MID1: variants seen among roughly 807,000 people sequenced by gnomAD.
The protein encoded by MID1 is midline 1.
A neutral mutation model predicts 40.4 loss-of-function variants in MID1; 7 were observed. The ratio of observed to expected loss-of-function variants is 0.17; its 90% CI spans 0.10 to 0.33. The LOEUF (loss-of-function observed/expected upper bound fraction) is 0.33. Among genes scored for constraint, MID1 ranks in the 10% least tolerant of loss-of-function variants. MID1 has a pLI of 1.00. For synonymous variants in MID1, 229 were observed against 221.2 expected, an observed-to-expected ratio of 1.04 and a Z score of -0.31; for missense variants, 367 against 558.5, an observed-to-expected ratio of 0.66 and a Z score of 3.46.
At chrX:10,745,662 T>C (rs886529547) in intron 1 of MID1, among the ~76,000 whole-genome samples, 1 of 112,657 alleles carries the variant, frequency 8.9e-6, no homozygotes, top group African/African-American at 3.2e-5. Context: ...GAGCGTTATG[T>C]TTGTAGCAAC....
intron 1 of MID1, among the ~76,000 whole-genome samples, chrX:10,738,055 C>T (rs1280515961): frequency 9.0e-6 from 1 of 111,168 alleles, no homozygotes; most frequent in Non-Finnish European, 1.9e-5. Context: ...GTACCCCTGT[C>T]ATCAGTCCCG....
intron 1 of MID1, among the ~76,000 whole-genome samples, chrX:10,568,571 A>C (rs1265254403): frequency 1.8e-5 from 2 of 111,041 alleles, no homozygotes; most frequent in Admixed American, 9.5e-5. Context: ...CGGGCTTGTC[A>C]CTGTTGCCAG....
intron 1 of MID1, among the ~76,000 whole-genome samples, chrX:10,656,717 T>A (rs765964541): frequency 4.8e-4 from 53 of 110,658 alleles, no homozygotes; most frequent in African/African-American, 1.7e-3. Flanking sequence ...TAAGCTCTCA[T>A]ATTCAGATGA....
At chrX:10,491,123 A>G (rs139483906) in intron 4 of MID1, among the ~76,000 whole-genome samples, 7,079 of 111,600 alleles carry the variant, frequency 0.063, 451 homozygotes, top group African/African-American at 0.19. Context: ...AGAGGACCAG[A>G]TAGTCAATAT....
rs1281393445 is a variant in MID1, at chrX:10,566,497, T to TTCTCTCTCTCTC, written c.660+379_660+390dup. On this transcript the variant is annotated intron_variant, in intron 2 of 9. Transcript: ENST00000317552. ...GCCCAAAGCCAGATTTTATCTGTCATTCTCTCTCTCTCTCCCTCTCTCTCC... is the reference window on the plus strand; with the variant it reads ...GCCCAAAGCCAGATTTTATCTGTCATTCTCTCTCTCTCTCTCTCTCTCTCTCCCTCTCTCTCC... Among the ~76,000 whole-genome samples, 327 of 71,942 alleles carry TTCTCTCTCTCTC rather than the reference T, an allele frequency of 4.5e-3. 5 individuals carry two copies. Among genetic ancestry groups the TTCTCTCTCTCTC allele is most frequent in the South Asian group, 0.024 (36 of 1,482 alleles). The allele number at this position is 71,942 out of a possible 115,157, so 62.5% of individuals were successfully genotyped here.
At chrX:10,525,812 G>T (rs997767154) in intron 2 of MID1, among the ~76,000 whole-genome samples, 2 of 111,646 alleles carry the variant, frequency 1.8e-5, no homozygotes, top group Non-Finnish European at 3.8e-5. Flanking sequence ...ATGCATGGGG[G>T]TCTTGGCCTC....
At chrX:10,506,572 C>G in intron 3 of MID1, 1 of 505,144 alleles carries the variant, frequency 2.0e-6, no homozygotes, top group East Asian at 3.6e-5. Context: ...CATTAACTTC[C>G]CTTTGGAATT....
intron 7 of MID1, among the ~76,000 whole-genome samples, chrX:10,463,246 G>T (rs988377170): frequency 1.8e-5 from 2 of 112,007 alleles, no homozygotes; most frequent in African/African-American, 3.2e-5. Flanking sequence ...ATTAGTGAGG[G>T]CCTTTTCGTA....
intron 2 of MID1, among the ~76,000 whole-genome samples, chrX:10,555,252 A>C (rs1051320721): frequency 5.3e-5 from 6 of 112,167 alleles, no homozygotes; most frequent in African/African-American, 1.6e-4. Flanking sequence ...TTTTGCCCTT[A>C]CTTGCAATTC....
intron 1 of MID1, among the ~76,000 whole-genome samples, chrX:10,763,136 G>A (rs73202022): frequency 2.1e-5 from 2 of 94,770 alleles, no homozygotes; most frequent in Non-Finnish European, 4.3e-5. Flanking sequence ...TACATGGCTG[G>A]TTTTTTTTTT....
chrX:10,785,859 A>C (rs774699628), intron 1 of MID1, among the ~76,000 whole-genome samples: 75 of 112,469 alleles, frequency 6.7e-4, no homozygotes, highest in African/African-American at 2.3e-3. Context: ...AAAACCATAA[A>C]AACCCTAGAA....
At chrX:10,498,791 T>G (rs1000997639) in intron 3 of MID1, among the ~76,000 whole-genome samples, 1 of 112,588 alleles carries the variant, frequency 8.9e-6, no homozygotes, top group Non-Finnish European at 1.9e-5. Flanking sequence ...TTATCAGTAC[T>G]TCATTCCTTT....
At position 10,613,766 on chromosome X, in the gene MID1, GAGAC is replaced by G. The variant is rs1328764093; in HGVS notation, c.-57+6520_-57+6523del. Among the ~76,000 whole-genome samples, 434 of 75,681 alleles carry G rather than the reference GAGAC, an allele frequency of 5.7e-3. 7 individuals are homozygous for G. The highest frequency in any genetic ancestry group is 0.021 in the African/African-American group (332 of 16,050). 65.7% of individuals were successfully genotyped at this position (75,681 alleles called of 115,157 possible). Reference sequence around the variant, plus strand: ...AGAGAGAGAGAGAGAGAGAGAGAGAGAGACAGACAGACAGACAGACAGACAGAGA... The same window carrying G: ...AGAGAGAGAGAGAGAGAGAGAGAGAGAGACAGACAGACAGACAGACAGAGA... On this transcript the variant is annotated intron_variant, in intron 1 of 9. Transcript: ENST00000317552.
At chrX:10,634,307 G>A (rs1382609699) in intron 1 of MID1, among the ~76,000 whole-genome samples, 1 of 111,867 alleles carries the variant, frequency 8.9e-6, no homozygotes, top group Non-Finnish European at 1.9e-5. Context: ...AGTCCCATAT[G>A]TAAGAATCTT....
intron 2 of MID1, among the ~76,000 whole-genome samples, chrX:10,551,584 CTAAT>C (rs1345015158): frequency 9.0e-6 from 1 of 111,547 alleles, no homozygotes; most frequent in African/African-American, 3.3e-5. Flanking sequence ...AGACTGTAAT[CTAAT>C]TAAATCATTA....
At chrX:10,551,874 C>T (rs1933921489) in intron 2 of MID1, among the ~76,000 whole-genome samples, 1 of 111,915 alleles carries the variant, frequency 8.9e-6, no homozygotes, top group Non-Finnish European at 1.9e-5. Flanking sequence ...GCCTCCAACT[C>T]TGGGCTCAAG....
chrX:10,639,866 T>C (rs1385886107), intron 1 of MID1, among the ~76,000 whole-genome samples: 1 of 111,951 alleles, frequency 8.9e-6, no homozygotes, highest in African/African-American at 3.3e-5. Flanking sequence ...ATATTCAACA[T>C]TCTTGAAGAA....
In MID1 at chrX:10,813,151, G is replaced by GA. The variant is rs1241091345; in HGVS notation, c.-187+20402dup. On this transcript the variant is annotated intron_variant, in intron 1 of 10. Coordinates refer to the MID1 transcript ENST00000380785. ...GGCAGCAGGAAGATGGTCTAGTTTT[G>GA]AAAAAAAAAATGCTCCATAGACACT... 6.8e-3 allele frequency among the ~76,000 whole-genome samples: 714 copies of GA among 105,064 alleles called. 4 individuals are homozygous for GA. Among genetic ancestry groups the GA allele is most frequent in the Middle Eastern group, 0.014 (3 of 210 alleles). The allele number at this position is 105,064 out of a possible 115,157, so 91.2% of individuals were successfully genotyped here.
intron 1 of MID1, among the ~76,000 whole-genome samples, chrX:10,588,567 T>G (rs1935192525): frequency 9.0e-6 from 1 of 111,426 alleles, no homozygotes. Context: ...GTTTTTTTTT[T>G]TAACTACTTG....
Sources: gnomAD v4.1 joint callset for allele counts (sites outside exome capture counted in the v4.1 genomes callset) on GRCh38, gnomAD v4.1.1 for gene constraint, MANE v1.5 for transcripts, NCBI Gene and HGNC (gene_info 2026-07-23, HGNC 2026-07-21) for gene names.